SMIM9: variants seen among roughly 807,000 people sequenced by gnomAD.
The protein encoded by SMIM9 is chromosome X open reading frame 68.
In SMIM9, 8 loss-of-function variants were observed where a neutral mutation model predicts 7.2. That is an observed-to-expected ratio of 1.10 (90% CI 0.65 to 1.99). SMIM9 has a LOEUF of 1.99. Among genes scored for constraint, SMIM9 ranks in the 30% most tolerant of loss-of-function variants. The pLI is 0.00. For synonymous variants in SMIM9, 19 were observed against 26.4 expected (o/e 0.72, Z 0.86); for missense variants, 76 against 69.3 (o/e 1.10, Z -0.34).
At chrX:154,828,375 A>G (rs1796756963) in intron 4 of SMIM9, among the ~76,000 whole-genome samples, 1 of 111,549 alleles carries the variant, frequency 9.0e-6, no homozygotes, top group Non-Finnish European at 1.9e-5. Context: ...AGGAAGAATG[A>G]GAGACACACA....
At chrX:154,826,820 C>A (rs1263976858) in intron 4 of SMIM9, among the ~76,000 whole-genome samples, 2 of 112,619 alleles carry the variant, frequency 1.8e-5, no homozygotes, top group Non-Finnish European at 3.8e-5. Flanking sequence ...AACAAATTCT[C>A]TTCATGATGC....
At chrX:154,825,257 T>C in intron 4 of SMIM9, among the ~76,000 whole-genome samples, 1 of 110,543 alleles carries the variant, frequency 9.0e-6, no homozygotes, top group Non-Finnish European at 1.9e-5. Flanking sequence ...CTGGGCGTGG[T>C]GACGCGTGCC....
intron 1 of SMIM9, 111 bp from the exon 2 acceptor site, chrX:154,832,794 A>G (rs1439148149): frequency 8.9e-6 from 1 of 112,045 alleles, no homozygotes; most frequent in East Asian, 2.8e-4. Context: ...TTTTCTCTCT[A>G]TGTATAAACA....
chrX:154,830,680 G>A, intron 3 of SMIM9, 35 bp downstream of exon 3: 2 of 1,156,947 alleles, frequency 1.7e-6, no homozygotes, highest in African/African-American at 3.6e-5. Context: ...TAAGTCCTAT[G>A]AAGAAAGAAA....
At chrX:154,824,355 C>CAAAAAAAAAAAAAAA (rs375492512) in intron 4 of SMIM9, among the ~76,000 whole-genome samples, 17 of 42,364 alleles carry the variant, frequency 4.0e-4, no homozygotes, top group Admixed American at 1.1e-3. Flanking sequence ...GACTCCGTCT[C>CAAAAAAAAAAAAAAA]AAAAAAAAAA....
chrX:154,827,008 T>C (rs1288375501), intron 4 of SMIM9, among the ~76,000 whole-genome samples: 2 of 112,840 alleles, frequency 1.8e-5, no homozygotes, highest in East Asian at 5.5e-4. Flanking sequence ...GGCTTCTACT[T>C]GGTGCCCAAC....
chrX:154,824,415 A>G (rs1250788833), intron 4 of SMIM9, among the ~76,000 whole-genome samples: 1 of 110,225 alleles, frequency 9.1e-6, no homozygotes, highest in African/African-American at 3.3e-5. Context: ...GTGCAATTAG[A>G]CAGGAAAAAC....
intron 1 of SMIM9, among the ~76,000 whole-genome samples, chrX:154,833,689 A>G (rs1370696129): frequency 9.1e-6 from 1 of 110,290 alleles, no homozygotes; most frequent in East Asian, 2.8e-4. Context: ...ACAAACATGC[A>G]TGTTCTGCAC....
At chrX:154,827,168 A>T (rs2072425151) in intron 4 of SMIM9, among the ~76,000 whole-genome samples, 1 of 112,503 alleles carries the variant, frequency 8.9e-6, no homozygotes, top group Non-Finnish European at 1.9e-5. Context: ...AGTCCCTCTG[A>T]ATATTAATTA....
At chrX:154,828,979 C>T (rs190710175) in intron 4 of SMIM9, among the ~76,000 whole-genome samples, 29 of 111,851 alleles carry the variant, frequency 2.6e-4, no homozygotes, top group African/African-American at 8.1e-4. Context: ...CTCTGTCTCC[C>T]ACAATAGCAA....
At position 154,833,356 on chromosome X, in the gene SMIM9, G is replaced by A. The variant is rs782210713; in HGVS notation, c.-209-673C>T. The stretch of plus-strand genomic sequence containing the variant: ...AGAAATAGTACTGGCTAGGCACAGT[G>A]GCAGACGCCTGTCATCCCAGCACTT... On this transcript the variant is annotated intron_variant, in intron 1 of 4. Coordinates refer to ENST00000369529, the MANE Select transcript of SMIM9 (RefSeq NM_001162936.4). 9.8e-5 allele frequency among the ~76,000 whole-genome samples: 11 copies of A among 112,761 alleles called. No homozygotes were observed. In the East Asian group the frequency reaches 3.0e-3, roughly 31 times the overall value.
chrX:154,833,721 A>G (rs1223278209), intron 1 of SMIM9, among the ~76,000 whole-genome samples: 1 of 104,566 alleles, frequency 9.6e-6, no homozygotes, highest in East Asian at 3.5e-4. Context: ...AACTTAAAGT[A>G]AAAAAAAAAA....
Position 154,831,897 on chromosome X carries a change from A to G in SMIM9, c.-100+677T>C, listed in dbSNP as rs190443977. Among the ~76,000 whole-genome samples the G allele has an allele frequency of 1.7e-4, 19 of 110,649 alleles. No homozygotes were observed. In the East Asian group the frequency reaches 4.8e-3, roughly 28 times the overall value. On this transcript the variant is annotated intron_variant, in intron 2 of 4. Coordinates refer to ENST00000369529, the MANE Select transcript of SMIM9 (RefSeq NM_001162936.4). ...CCTTAGATCCCATTGTTAAAATTGTACCACCCTCCTACAAACTTCCTAATT... is the reference window on the plus strand; with the variant it reads ...CCTTAGATCCCATTGTTAAAATTGTGCCACCCTCCTACAAACTTCCTAATT...
intron 4 of SMIM9, among the ~76,000 whole-genome samples, chrX:154,824,153 C>T (rs904465554): frequency 4.6e-5 from 5 of 109,777 alleles, no homozygotes; most frequent in Non-Finnish European, 7.6e-5. Context: ...GTCAGGAGAT[C>T]GAGACCATTC....
At chrX:154,832,809 T>C (rs1385958987) in intron 1 of SMIM9, 126 bp from the exon 2 acceptor site, 3 of 112,317 alleles carry the variant, frequency 2.7e-5, no homozygotes, top group Non-Finnish European at 5.6e-5. Context: ...TAAACATCTG[T>C]GTTGATACCA....
At chrX:154,831,052 T>A (rs1351183227) in intron 2 of SMIM9, 97 bp from the exon 3 acceptor site, 1 of 396,032 alleles carries the variant, frequency 2.5e-6, no homozygotes, top group Non-Finnish European at 4.2e-6. Context: ...AGGTGACTCC[T>A]GAAAATGGTC....
chrX:154,829,586 A>G lies in SMIM9; in HGVS notation c.221T>C (p.Ile74Thr). The G allele has an allele frequency of 1.7e-6, 2 of 1,167,748 alleles. No homozygotes were observed. Among genetic ancestry groups the G allele is most frequent in the Non-Finnish European group, 2.3e-6 (2 of 872,929 alleles). The change falls in exon 4 of 5, where the codon ATT (isoleucine) becomes ACT (threonine). Residue 74 changes from isoleucine to threonine, a missense_variant. Ile to Thr is a moderately conservative substitution (Grantham distance 89, BLOSUM62 -1). Coordinates refer to ENST00000369529, the MANE Select transcript of SMIM9 (RefSeq NM_001162936.4). The stretch of plus-strand genomic sequence containing the variant: ...TGCTGAGGTGAGAAGAAAAGCAACA[A>G]TGGCTGCTGGAGGTAAGGCACTCTT... ...LIKSALPPAA[I>T]VAFLLTSALM...
At chrX:154,831,464 C>G (rs1557270573) in intron 2 of SMIM9, among the ~76,000 whole-genome samples, 3 of 112,061 alleles carry the variant, frequency 2.7e-5, no homozygotes, top group Non-Finnish European at 5.6e-5. Context: ...TTCTTTTTCT[C>G]TCATACACTT....
chrX:154,832,988 C>T (rs1162661402), intron 1 of SMIM9, among the ~76,000 whole-genome samples: 8 of 111,599 alleles, frequency 7.2e-5, no homozygotes, highest in East Asian at 5.6e-4. Flanking sequence ...CTTTGCCATG[C>T]TATGCAAAAT....
Sources: allele counts gnomAD v4.1 joint callset (sites outside exome capture counted in the v4.1 genomes callset), GRCh38; gene constraint gnomAD v4.1.1; transcripts MANE v1.5; gene names NCBI Gene and HGNC (gene_info 2026-07-23, HGNC 2026-07-21).